Variants in SH3PXD2A observed in about 807,000 individuals in gnomAD.
SH3PXD2A encodes SH3 and PX domain-containing protein 2A.
A neutral mutation model predicts 115.2 loss-of-function variants in SH3PXD2A; 32 were observed. The observed-to-expected ratio is 0.28, with a 90% CI of 0.21 to 0.37. The LOEUF (loss-of-function observed/expected upper bound fraction) is 0.37. SH3PXD2A is among the 10% of genes least tolerant of loss of function. SH3PXD2A has a pLI of 1.00. For missense variants in SH3PXD2A, 1,328 were observed against 1,498.7 expected, an observed-to-expected ratio of 0.89 and a Z score of 1.88; for synonymous variants, 610 against 629.1, an observed-to-expected ratio of 0.97 and a Z score of 0.45.
rs2036429410 is a variant in SH3PXD2A at position 103,611,584 on chromosome 10, G to A, written c.1305C>T (p.Ser435=). ...RTRPPPRRES[S]LGFQLPKPPE... is the part of the protein sequence containing the mutation. ...AGAAGAAATTCAGTACACATACCAG[G>A]CTGGATTCTCTGCGTGGTGGAGGTC... is the stretch of plus-strand genomic sequence containing the variant. The change falls in exon 13 of 15, where the codon AGC becomes AGT. Residue 435 remains serine (S), a synonymous_variant. Transcript: ENST00000369774. 2.5e-6 allele frequency: 4 copies of A among 1,613,824 alleles called. No homozygotes were observed. Among genetic ancestry groups the A allele is most frequent in the Non-Finnish European group, 3.4e-6 (4 of 1,179,680 alleles).
At chr10:103,767,062 C>G in intron 3 of SH3PXD2A, 32 bp downstream of exon 3, 1 of 1,564,010 alleles carries the variant, frequency 6.4e-7, no homozygotes, top group Non-Finnish European at 8.8e-7. Flanking sequence ...CCGGGTATCC[C>G]CCATCCCTGG....
Position 103,612,939 on chromosome 10 carries a change from G to A in SH3PXD2A, c.1172C>T (p.Ala391Val), listed in dbSNP as rs117568095. 8,774 of 1,614,086 alleles carry A rather than the reference G, an allele frequency of 5.4e-3. 376 individuals are homozygous for A. The East Asian group carries it at 0.11, about 21-fold the overall frequency. The change falls in exon 12 of 15, where the codon GCC becomes GTC. Residue 391 changes from alanine to valine, a missense_variant. By Grantham distance (64) the Ala-to-Val change is moderately conservative. Coordinates refer to ENST00000369774, the MANE Select transcript of SH3PXD2A (RefSeq NM_001394015.1). ...GACAGTCCTGTCAGGAACGCCCACG[G>A]CACTGCCATTGGAGGCATTGCAGAG... ...PILCNASNGS[A>V]VGVPDRTVSR... is the part of the protein sequence containing the mutation.
At chr10:103,675,781 G>A (rs536246423) in intron 6 of SH3PXD2A, among the ~76,000 whole-genome samples, 1 of 152,316 alleles carries the variant, frequency 6.6e-6, no homozygotes, top group East Asian at 1.9e-4. Context: ...GGTGGCTCAC[G>A]CCTGTAACCT....
intron 3 of SH3PXD2A, among the ~76,000 whole-genome samples, chr10:103,747,516 T>C (rs2038519904): frequency 6.6e-6 from 1 of 152,006 alleles, no homozygotes; most frequent in Non-Finnish European, 1.5e-5. Flanking sequence ...TGGTCCACAG[T>C]GTGGGGGGCT....
At chr10:103,716,061 T>G (rs1026454651) in intron 5 of SH3PXD2A, among the ~76,000 whole-genome samples, 3 of 151,632 alleles carry the variant, frequency 2.0e-5, no homozygotes, top group Admixed American at 1.3e-4. Flanking sequence ...CAGAGGAGAG[T>G]GTTTTCTTGA....
intron 6 of SH3PXD2A, chr10:103,678,288 C>T (rs541638377): frequency 2.6e-4 from 128 of 496,220 alleles, no homozygotes; most frequent in African/African-American, 1.8e-3. Context: ...TGAGATGCCA[C>T]GTAAACAGAG....
At chr10:103,656,101 G>C (rs73333353) in intron 8 of SH3PXD2A, among the ~76,000 whole-genome samples, 1 of 152,200 alleles carries the variant, frequency 6.6e-6, no homozygotes, top group East Asian at 1.9e-4. Context: ...CTTAAACCCC[G>C]TACTGGAATT....
chr10:103,603,471 C>T lies in SH3PXD2A; in HGVS notation c.1747G>A (p.Glu583Lys), dbSNP rs1368539136. The change falls in exon 15 of 15, where the codon GAG (glutamate) becomes AAG (lysine). Residue 583 changes from glutamate to lysine, a missense_variant. Coordinates refer to ENST00000369774, the MANE Select transcript of SH3PXD2A (RefSeq NM_001394015.1). ...EEPVEDRASG[E>K]RRPAQPHRPS... The stretch of plus-strand genomic sequence containing the variant: ...CGGTGGGGCTGGGCAGGCCGCCTCT[C>T]CCCTGAGGCTCTGTCCTCCACGGGC... 2 of 1,611,712 alleles carry T rather than the reference C, an allele frequency of 1.2e-6. No homozygotes were observed. Among genetic ancestry groups the T allele is most frequent in the Admixed American group, 1.7e-5 (1 of 59,752 alleles).
At chr10:103,659,924 G>C (rs1254924967) in intron 8 of SH3PXD2A, among the ~76,000 whole-genome samples, 1 of 152,110 alleles carries the variant, frequency 6.6e-6, no homozygotes, top group Non-Finnish European at 1.5e-5. Flanking sequence ...TGGATCTCAG[G>C]AGACTCCCTT....
intron 1 of SH3PXD2A, among the ~76,000 whole-genome samples, chr10:103,843,754 T>C (rs1444961002): frequency 6.6e-6 from 1 of 152,156 alleles, no homozygotes; most frequent in Non-Finnish European, 1.5e-5. Flanking sequence ...AGGGAAGCTG[T>C]CAGATAAAGC....
intron 6 of SH3PXD2A, among the ~76,000 whole-genome samples, chr10:103,682,798 T>C (rs933744197): frequency 6.6e-6 from 1 of 150,984 alleles, no homozygotes; most frequent in Admixed American, 6.6e-5. Context: ...CTGGGTAAGA[T>C]GTGCCAGAAG....
chr10:103,696,159 G>A (rs1409763152), intron 5 of SH3PXD2A, among the ~76,000 whole-genome samples: 1 of 152,240 alleles, frequency 6.6e-6, no homozygotes, highest in African/African-American at 2.4e-5. Flanking sequence ...TCACCAGGCT[G>A]TGACTGAATG....
chr10:103,712,932 A>G (rs1278212383), intron 5 of SH3PXD2A, among the ~76,000 whole-genome samples: 1 of 152,196 alleles, frequency 6.6e-6, no homozygotes, highest in African/African-American at 2.4e-5. Context: ...AGGTAAGTCA[A>G]CCAGTCTCAG....
rs555591557 is a variant in SH3PXD2A, at chr10:103,656,280, A to G, written c.604+4703T>C. 2.6e-5 allele frequency among the ~76,000 whole-genome samples: 4 copies of G among 152,350 alleles called. No individual in the cohort carries two copies. The South Asian group carries it at 8.3e-4, about 32-fold the overall frequency. On this transcript the variant is annotated intron_variant, in intron 8 of 14. Transcript: ENST00000369774. ...ACTCTGTGATGGTTCTCCAGGACACAGCTTATTGGACCAGGGCTGGACACC... is the reference window on the plus strand; with the variant it reads ...ACTCTGTGATGGTTCTCCAGGACACGGCTTATTGGACCAGGGCTGGACACC...
At chr10:103,625,207 C>A (rs190305582) in intron 9 of SH3PXD2A, among the ~76,000 whole-genome samples, 2 of 152,242 alleles carry the variant, frequency 1.3e-5, no homozygotes, top group Non-Finnish European at 1.5e-5. Context: ...ACCTCTCGTG[C>A]GCTTTCCTGC....
intron 5 of SH3PXD2A, among the ~76,000 whole-genome samples, chr10:103,708,508 C>T (rs544649979): frequency 6.6e-6 from 1 of 152,304 alleles, no homozygotes; most frequent in East Asian, 1.9e-4. Context: ...TGGGGATGGC[C>T]TGGAGGGAGG....
chr10:103,613,489 A>C (rs774085802), intron 11 of SH3PXD2A, among the ~76,000 whole-genome samples: 9 of 152,214 alleles, frequency 5.9e-5, no homozygotes, highest in Non-Finnish European at 1.0e-4. Context: ...AGATTTATCA[A>C]CTTTTGGGTT....
In SH3PXD2A at chr10:103,603,532, T is replaced by C. The variant is rs3740471; in HGVS notation, c.1686A>G (p.Ala562=). Residue 562 remains alanine (A), a synonymous_variant, in exon 15 of 15, where the codon GCA becomes GCG. Coordinates refer to ENST00000369774, the MANE Select transcript of SH3PXD2A (RefSeq NM_001394015.1). ...KYEEPEYDIP[A]FGFDSEPELS... ...GCTCAGGCTCTGAGTCAAAGCCGAATGCAGGGATGTCATACTCAGGCTCCT... is the reference window on the plus strand; with the variant it reads ...GCTCAGGCTCTGAGTCAAAGCCGAACGCAGGGATGTCATACTCAGGCTCCT... The C allele has an allele frequency of 0.21, 340,475 of 1,612,318 alleles. 37,895 individuals are homozygous for C. Among genetic ancestry groups the C allele is most frequent in the Non-Finnish European group, 0.23 (271,172 of 1,179,078 alleles).
chr10:103,808,457 G>A (rs2039230456), intron 1 of SH3PXD2A, among the ~76,000 whole-genome samples: 1 of 152,010 alleles, frequency 6.6e-6, no homozygotes, highest in African/African-American at 2.4e-5. Flanking sequence ...TCACCATGTT[G>A]GCAGGCTGGT....
Sources: gnomAD v4.1 joint callset for allele counts (sites outside exome capture counted in the v4.1 genomes callset) on GRCh38, gnomAD v4.1.1 for gene constraint, MANE v1.5 for transcripts, NCBI Gene and HGNC (gene_info 2026-07-23, HGNC 2026-07-21) for gene names.